BBS9: variants seen among roughly 807,000 people sequenced by gnomAD.
BBS9 encodes Bardet-Biedl syndrome 9.
A neutral mutation model predicts 117.7 loss-of-function variants in BBS9; 89 were observed. The ratio of observed to expected loss-of-function variants is 0.76; its 90% CI spans 0.64 to 0.90. The LOEUF (loss-of-function observed/expected upper bound fraction) is 0.90. BBS9 is among the 40% of genes least tolerant of loss of function. BBS9 has a pLI of 0.00. For synonymous variants in BBS9, 379 were observed against 370.9 expected (o/e 1.02, Z -0.25); for missense variants, 982 against 1,042.2 (o/e 0.94, Z 0.80).
intron 9 of BBS9, among the ~76,000 whole-genome samples, chr7:33,278,165 A>G (rs1181552344): frequency 2.6e-5 from 4 of 152,204 alleles, no homozygotes; most frequent in Non-Finnish European, 5.9e-5. Context: ...CAATTTTTGC[A>G]AAGCCTGTTT....
chr7:33,378,290 T>G (rs1270543190), intron 17 of BBS9, among the ~76,000 whole-genome samples: 1 of 152,240 alleles, frequency 6.6e-6, no homozygotes, highest in African/African-American at 2.4e-5. Context: ...TTGTTCACTA[T>G]TATCTCCCTA....
At chr7:33,404,134 G>A (rs947842169) in intron 19 of BBS9, among the ~76,000 whole-genome samples, 3 of 152,086 alleles carry the variant, frequency 2.0e-5, no homozygotes, top group Admixed American at 6.5e-5. Context: ...TCTCAGGTTT[G>A]TCAAAGATCA....
At chr7:33,462,667 T>C (rs1201086682) in intron 19 of BBS9, among the ~76,000 whole-genome samples, 1 of 152,018 alleles carries the variant, frequency 6.6e-6, no homozygotes, top group Admixed American at 6.6e-5. Context: ...TTTAAAAAAA[T>C]GAACTTAGGC....
At chr7:33,585,007 T>C (rs1437182215) in intron 21 of BBS9, among the ~76,000 whole-genome samples, 1 of 152,160 alleles carries the variant, frequency 6.6e-6, no homozygotes, top group African/African-American at 2.4e-5. Context: ...GTCTTTTTCC[T>C]CAACAGAATT....
At chr7:33,182,660 G>T (rs189450400) in intron 5 of BBS9, among the ~76,000 whole-genome samples, 1 of 152,118 alleles carries the variant, frequency 6.6e-6, no homozygotes, top group African/African-American at 2.4e-5. Flanking sequence ...ATATTTAAGT[G>T]CCTATTATTT....
intron 17 of BBS9, among the ~76,000 whole-genome samples, chr7:33,368,616 A>ACACACACACACACACACACACACACC (rs996468631): frequency 6.9e-6 from 1 of 145,600 alleles, no homozygotes; most frequent in Non-Finnish European, 1.5e-5. Context: ...ACACACACAC[A>ACACACACACACACACACACACACACC]CCCATACCCC....
chr7:33,217,062 T>C (rs1789211119), intron 5 of BBS9, among the ~76,000 whole-genome samples: 3 of 152,128 alleles, frequency 2.0e-5, no homozygotes, highest in Admixed American at 2.0e-4. Context: ...ACCATTGCAC[T>C]CCAGCCTGGG....
chr7:33,296,015 C>A lies in BBS9; in HGVS notation c.1016+22059C>A, dbSNP rs147378864. Reference sequence around the variant, plus strand: ...GAAAAATCCCAACAATTAACAAACTCATTTTTCAATGGCCTATTAATCACA... The same window carrying A: ...GAAAAATCCCAACAATTAACAAACTAATTTTTCAATGGCCTATTAATCACA... On this transcript the variant is annotated intron_variant, in intron 9 of 22. Coordinates refer to ENST00000242067, the MANE Select transcript of BBS9 (RefSeq NM_198428.3). Among the ~76,000 whole-genome samples the A allele has an allele frequency of 2.6e-3, 399 of 152,192 alleles. 1 individual carries two copies. Among genetic ancestry groups the A allele is most frequent in the African/African-American group, 9.1e-3 (378 of 41,564 alleles).
At chr7:33,528,094 G>A (rs934203891) in intron 20 of BBS9, among the ~76,000 whole-genome samples, 2 of 151,956 alleles carry the variant, frequency 1.3e-5, no homozygotes, top group Non-Finnish European at 2.9e-5. Flanking sequence ...AATCTTCTGT[G>A]GATCAATTAT....
chr7:33,142,646 T>A (rs1173606328), intron 1 of BBS9, among the ~76,000 whole-genome samples: 1 of 152,228 alleles, frequency 6.6e-6, no homozygotes, highest in East Asian at 1.9e-4. Flanking sequence ...CTGTGACTAT[T>A]CTAGGTACCT....
At chr7:33,461,476 A>T (rs1839457218) in intron 19 of BBS9, among the ~76,000 whole-genome samples, 1 of 151,930 alleles carries the variant, frequency 6.6e-6, no homozygotes, top group Non-Finnish European at 1.5e-5. Flanking sequence ...AGTTACTTAA[A>T]AAAAAAAAAC....
intron 9 of BBS9, among the ~76,000 whole-genome samples, chr7:33,299,698 C>T (rs1805982110): frequency 6.6e-6 from 1 of 151,614 alleles, no homozygotes; most frequent in South Asian, 2.1e-4. Context: ...CTGTGCTTTG[C>T]ATCAATCAGG....
At chr7:33,557,985 G>C (rs1430998456) in intron 21 of BBS9, among the ~76,000 whole-genome samples, 1 of 152,206 alleles carries the variant, frequency 6.6e-6, no homozygotes. Flanking sequence ...CCCTTTGATG[G>C]CTCATGAAGT....
chr7:33,550,773 A>T (rs917544435), intron 21 of BBS9, among the ~76,000 whole-genome samples: 2 of 152,216 alleles, frequency 1.3e-5, no homozygotes, highest in Non-Finnish European at 2.9e-5. Context: ...AAAATGAAAA[A>T]CAATTATCTT....
At chr7:33,286,237 G>A (rs987410181) in intron 9 of BBS9, among the ~76,000 whole-genome samples, 3 of 152,076 alleles carry the variant, frequency 2.0e-5, no homozygotes, top group Admixed American at 1.3e-4. Context: ...CAATCTCCAA[G>A]AAAATAATTT....
At chr7:33,431,942 C>T (rs1164095568) in intron 19 of BBS9, among the ~76,000 whole-genome samples, 1 of 152,128 alleles carries the variant, frequency 6.6e-6, no homozygotes, top group Non-Finnish European at 1.5e-5. Context: ...AAATCAAGCA[C>T]CACTTGATAG....
At chr7:33,527,357 C>G (rs1015532007) in intron 20 of BBS9, among the ~76,000 whole-genome samples, 1 of 152,146 alleles carries the variant, frequency 6.6e-6, no homozygotes, top group Admixed American at 6.5e-5. Flanking sequence ...CTCGCTGCCG[C>G]CTTGCAGTGT....
chr7:33,515,090 G>C (rs982716238), intron 20 of BBS9, among the ~76,000 whole-genome samples: 4 of 152,074 alleles, frequency 2.6e-5, no homozygotes, highest in Non-Finnish European at 5.9e-5. Flanking sequence ...TCTACTCTAA[G>C]TTATGGCATT....
At chr7:33,303,386 G>T (rs1254693731) in intron 9 of BBS9, among the ~76,000 whole-genome samples, 1 of 152,112 alleles carries the variant, frequency 6.6e-6, no homozygotes, top group Non-Finnish European at 1.5e-5. Context: ...TATGAAACTA[G>T]CTATGGGTCT....
Sources: gnomAD v4.1 joint callset for allele counts (sites outside exome capture counted in the v4.1 genomes callset) on GRCh38, gnomAD v4.1.1 for gene constraint, MANE v1.5 for transcripts, NCBI Gene and HGNC (gene_info 2026-07-23, HGNC 2026-07-21) for gene names.